Variants in SLC49A4 observed in about 807,000 individuals in gnomAD.
The protein encoded by SLC49A4 is solute carrier family 49 member 4.
Under a neutral mutation model 50.6 loss-of-function variants are expected in SLC49A4, and 36 were observed. That is an observed-to-expected ratio of 0.71 (90% CI 0.55 to 0.94). SLC49A4 has a LOEUF of 0.94. SLC49A4 is among the 40% of genes least tolerant of loss of function. The pLI, the probability that SLC49A4 is intolerant of heterozygous loss-of-function variation, is 0.00. For synonymous variants in SLC49A4, 248 were observed against 241.2 expected (o/e 1.03, Z -0.26); for missense variants, 503 against 605.7 (o/e 0.83, Z 1.78).
At chr3:122,879,201 A>G (rs1420512081) in intron 8 of SLC49A4, 62 bp from the exon 9 acceptor site, 3 of 1,179,716 alleles carry the variant, frequency 2.5e-6, no homozygotes, top group Non-Finnish European at 3.8e-6. Context: ...CTTCCGGCAT[A>G]CAGGTGGTGG....
At chr3:122,859,394 A>G (rs1325204743) in intron 6 of SLC49A4, among the ~76,000 whole-genome samples, 2 of 152,334 alleles carry the variant, frequency 1.3e-5, no homozygotes, top group East Asian at 3.9e-4. Flanking sequence ...TGGTGTAGGC[A>G]TCTGTGTTTG....
chr3:122,874,200 A>G (rs1015544795), intron 8 of SLC49A4, among the ~76,000 whole-genome samples: 8 of 152,212 alleles, frequency 5.3e-5, no homozygotes, highest in African/African-American at 1.9e-4. Context: ...TTACTGCAGC[A>G]GAGCTCCGTA....
At chr3:122,838,653 A>G (rs1204231223) in intron 4 of SLC49A4, among the ~76,000 whole-genome samples, 1 of 152,204 alleles carries the variant, frequency 6.6e-6, no homozygotes, top group East Asian at 1.9e-4. Flanking sequence ...ACATGTATAC[A>G]TATGTAACAA....
Position 122,879,812 on chromosome 3 carries a change from C to G in SLC49A4, c.*434C>G, listed in dbSNP as rs1161611027. The G allele has an allele frequency of 1.3e-5, 2 of 153,664 alleles. No individual in the cohort carries two copies. Among genetic ancestry groups the G allele is most frequent in the Non-Finnish European group, 2.9e-5 (2 of 68,824 alleles). 9.5% of individuals were successfully genotyped at this position (153,664 alleles called of 1,614,324 possible). ...CCACTAACTTCTAAAGAAGTTCAAACCCTGTATCCAATTTTAATGATAAAA... is the reference window on the plus strand; with the variant it reads ...CCACTAACTTCTAAAGAAGTTCAAAGCCTGTATCCAATTTTAATGATAAAA... On this transcript the variant is annotated 3_prime_UTR_variant, in exon 9 of 9. Transcript: ENST00000261038.
At chr3:122,843,867 C>T (rs1262888996) in intron 4 of SLC49A4, among the ~76,000 whole-genome samples, 1 of 152,198 alleles carries the variant, frequency 6.6e-6, no homozygotes, top group East Asian at 1.9e-4. Context: ...ATCTGGACAA[C>T]TCTCATTTTG....
At chr3:122,819,456 T>G (rs1263360041) in intron 2 of SLC49A4, among the ~76,000 whole-genome samples, 1 of 152,210 alleles carries the variant, frequency 6.6e-6, no homozygotes, top group Non-Finnish European at 1.5e-5. Context: ...AAAAGCTTCT[T>G]TAGGGCCAAG....
At chr3:122,856,405 A>G in intron 6 of SLC49A4, 31 bp downstream of exon 6, 1 of 1,596,766 alleles carries the variant, frequency 6.3e-7, no homozygotes, top group Non-Finnish European at 8.6e-7. Context: ...TTGTGAGTGG[A>G]CAGAGCAGGG....
At chr3:122,797,395 T>G (rs1936058689) in intron 1 of SLC49A4, among the ~76,000 whole-genome samples, 1 of 152,234 alleles carries the variant, frequency 6.6e-6, no homozygotes, top group Non-Finnish European at 1.5e-5. Context: ...TGAGGCAAGA[T>G]ATAGACTATG....
intron 1 of SLC49A4, among the ~76,000 whole-genome samples, chr3:122,798,367 G>C (rs995507683): frequency 6.6e-6 from 1 of 152,096 alleles, no homozygotes; most frequent in African/African-American, 2.4e-5. Context: ...GGATAAATTA[G>C]AAACTACCCA....
chr3:122,804,465 C>T (rs1179003382), intron 1 of SLC49A4, among the ~76,000 whole-genome samples: 1 of 152,186 alleles, frequency 6.6e-6, no homozygotes, highest in African/African-American at 2.4e-5. Context: ...TAACTCCTTT[C>T]CCTTGATGAG....
intron 4 of SLC49A4, among the ~76,000 whole-genome samples, chr3:122,835,166 T>C (rs1936661902): frequency 6.6e-6 from 1 of 152,154 alleles, no homozygotes; most frequent in African/African-American, 2.4e-5. Context: ...ACTGAAACTA[T>C]TCCAAAAGAT....
chr3:122,869,177 A>G (rs559459951), intron 7 of SLC49A4, among the ~76,000 whole-genome samples: 13 of 152,272 alleles, frequency 8.5e-5, no homozygotes, highest in African/African-American at 2.9e-4. Context: ...TTCAAATTCA[A>G]GTAGTAGAAA....
At chr3:122,854,424 G>A (rs1447903306) in intron 5 of SLC49A4, among the ~76,000 whole-genome samples, 1 of 152,256 alleles carries the variant, frequency 6.6e-6, no homozygotes, top group Non-Finnish European at 1.5e-5. Context: ...GGGACAGCGT[G>A]TGTAATCTAG....
At chr3:122,863,377 G>T (rs78330437) in intron 7 of SLC49A4, among the ~76,000 whole-genome samples, 7,423 of 152,302 alleles carry the variant, frequency 0.049, 244 homozygotes, top group Middle Eastern at 0.1. Context: ...ATGAATGAAT[G>T]AAGTATATGT....
chr3:122,877,829 A>G (rs1481420447), intron 8 of SLC49A4, among the ~76,000 whole-genome samples: 1 of 152,226 alleles, frequency 6.6e-6, no homozygotes, highest in African/African-American at 2.4e-5. Context: ...AGGGAACATC[A>G]GAATGAAGAC....
intron 6 of SLC49A4, among the ~76,000 whole-genome samples, chr3:122,858,308 TACTAA>T (rs1319020486): frequency 1.3e-5 from 2 of 152,246 alleles, no homozygotes; most frequent in Non-Finnish European, 1.5e-5. Context: ...CTCTGATTTG[TACTAA>T]AAGCCTGTTT....
intron 2 of SLC49A4, among the ~76,000 whole-genome samples, chr3:122,811,575 A>T (rs1021804168): frequency 1.5e-4 from 23 of 152,210 alleles, no homozygotes; most frequent in African/African-American, 5.1e-4. Context: ...CTTATAGAAA[A>T]TTAGCCCACA....
At chr3:122,863,446 G>T (rs902007875) in intron 7 of SLC49A4, among the ~76,000 whole-genome samples, 5 of 152,178 alleles carry the variant, frequency 3.3e-5, no homozygotes, top group Non-Finnish European at 7.3e-5. Context: ...AGCAATTGTG[G>T]TCACTCTTAT....
At chr3:122,845,982 A>G (rs1936842885) in intron 5 of SLC49A4, 111 bp downstream of exon 5, 1 of 585,438 alleles carries the variant, frequency 1.7e-6, no homozygotes, top group East Asian at 3.4e-5. Context: ...ACATCGTCCT[A>G]TACCATTGTT....
Sources: allele counts gnomAD v4.1 joint callset (sites outside exome capture counted in the v4.1 genomes callset), GRCh38; gene constraint gnomAD v4.1.1; transcripts MANE v1.5; gene names NCBI Gene and HGNC (gene_info 2026-07-23, HGNC 2026-07-21).